The following ASIC2 variants were observed in gnomAD, a reference collection of about 807,000 sequenced individuals.
The protein encoded by ASIC2 is acid-sensing ion channel 2.
In ASIC2, 25 loss-of-function variants were observed where a neutral mutation model predicts 57.3. That is an observed-to-expected ratio of 0.44 (90% CI 0.32 to 0.61). ASIC2 has a LOEUF of 0.61. ASIC2 is among the 20% of genes least tolerant of loss of function. The probability of loss-of-function intolerance (pLI) is 0.06; values close to 1 mark genes in which losing one functional copy is unlikely to be tolerated. For synonymous variants in ASIC2, 319 were observed against 307.5 expected (o/e 1.04, Z -0.39); for missense variants, 641 against 738.1 (o/e 0.87, Z 1.52).
chr17:33,532,430 T>C (rs1362322451), intron 1 of ASIC2, among the ~76,000 whole-genome samples: 6 of 152,220 alleles, frequency 3.9e-5, no homozygotes, highest in Non-Finnish European at 8.8e-5. Context: ...TTCCTTCTAC[T>C]TCCAGGACTG....
intron 1 of ASIC2, among the ~76,000 whole-genome samples, chr17:33,335,376 A>T (rs750578391): frequency 6.6e-6 from 1 of 152,244 alleles, no homozygotes; most frequent in Non-Finnish European, 1.5e-5. Flanking sequence ...ATTCCATTCC[A>T]GCTAATCCTC....
intron 1 of ASIC2, among the ~76,000 whole-genome samples, chr17:33,276,895 T>C (rs1329722021): frequency 1.3e-5 from 2 of 152,180 alleles, no homozygotes; most frequent in South Asian, 2.1e-4. Context: ...AGGGTTGATA[T>C]GCACTCAGGT....
intron 3 of ASIC2, among the ~76,000 whole-genome samples, chr17:33,046,982 C>T (rs1423085711): frequency 2.0e-5 from 3 of 152,272 alleles, no homozygotes; most frequent in Admixed American, 2.0e-4. Flanking sequence ...GGATGAGTTT[C>T]TTCCCTGCAC....
Position 33,279,825 on chromosome 17 carries a change from C to G in ASIC2, c.708+11583G>C, listed in dbSNP as rs145451848. Among the ~76,000 whole-genome samples, 38 of 152,260 alleles carry G rather than the reference C, an allele frequency of 2.5e-4. 1 individual carries two copies. The highest frequency in any genetic ancestry group is 7.9e-4 in the African/African-American group (33 of 41,546). ...CAGATCCTCATCACCACTTTTTCTA[C>G]TAACCTTCTGAGCTTCGGTTTCCTC... is the stretch of plus-strand genomic sequence containing the variant. On this transcript the variant is annotated intron_variant, in intron 1 of 9. Coordinates refer to ENST00000225823, the MANE Select transcript of ASIC2 (RefSeq NM_183377.2).
At chr17:33,344,848 T>C (rs957006624) in intron 1 of ASIC2, among the ~76,000 whole-genome samples, 1 of 152,108 alleles carries the variant, frequency 6.6e-6, no homozygotes, top group Admixed American at 6.5e-5. Context: ...CTGGCCTATA[T>C]AGGGGCCAAC....
At chr17:33,339,076 G>GT (rs994298385) in intron 1 of ASIC2, among the ~76,000 whole-genome samples, 4 of 151,986 alleles carry the variant, frequency 2.6e-5, no homozygotes, top group African/African-American at 9.7e-5. Flanking sequence ...TATGTCTTGT[G>GT]TTTTTTACCA....
At chr17:34,128,141 A>AG (rs1911842984) in intron 1 of ASIC2, among the ~76,000 whole-genome samples, 1 of 152,210 alleles carries the variant, frequency 6.6e-6, no homozygotes, top group African/African-American at 2.4e-5. Flanking sequence ...GATGAGAAAA[A>AG]GGGAATCAAA....
chr17:33,166,125 T>C (rs1905298843), intron 1 of ASIC2, among the ~76,000 whole-genome samples: 1 of 152,178 alleles, frequency 6.6e-6, no homozygotes, highest in Admixed American at 6.5e-5. Flanking sequence ...ATTTATAAAG[T>C]ACTTCTGTCA....
At chr17:33,909,464 C>T (rs773105498) in intron 1 of ASIC2, among the ~76,000 whole-genome samples, 6 of 152,116 alleles carry the variant, frequency 3.9e-5, no homozygotes, top group South Asian at 2.1e-4. Flanking sequence ...AGAGAGAAAG[C>T]GGGAAGAAGA....
chr17:33,810,769 T>C (rs984454003), intron 1 of ASIC2, among the ~76,000 whole-genome samples: 1 of 152,312 alleles, frequency 6.6e-6, no homozygotes, highest in East Asian at 1.9e-4. Context: ...AATGTTTTTA[T>C]GTAAAAAAGA....
chr17:34,102,363 TATAAAG>T (rs1191308972), intron 1 of ASIC2, among the ~76,000 whole-genome samples: 1 of 151,760 alleles, frequency 6.6e-6, no homozygotes, highest in African/African-American at 2.4e-5. Context: ...TAAAATAAAA[TATAAAG>T]ATAAAAATAA....
chr17:33,961,842 G>C (rs1904933759), intron 1 of ASIC2, among the ~76,000 whole-genome samples: 1 of 152,162 alleles, frequency 6.6e-6, no homozygotes, highest in Non-Finnish European at 1.5e-5. Context: ...CTCCACAGTT[G>C]CTTTCCAACC....
chr17:33,082,343 G>T (rs981334032), intron 3 of ASIC2, among the ~76,000 whole-genome samples: 1 of 152,108 alleles, frequency 6.6e-6, no homozygotes, highest in African/African-American at 2.4e-5. Flanking sequence ...TAGAAAACAA[G>T]AATCACCACC....
At chr17:33,721,855 A>G (rs1369249274) in intron 1 of ASIC2, among the ~76,000 whole-genome samples, 1 of 152,216 alleles carries the variant, frequency 6.6e-6, no homozygotes, top group Admixed American at 6.5e-5. Context: ...CATGCTTGGC[A>G]TGTGGCAGGA....
intron 1 of ASIC2, among the ~76,000 whole-genome samples, chr17:33,411,950 A>G (rs1910677067): frequency 6.6e-6 from 1 of 152,186 alleles, no homozygotes; most frequent in Admixed American, 6.5e-5. Context: ...GCCATCCGAA[A>G]ATATTTGGTT....
chr17:33,702,010 G>A (rs1294654108), intron 1 of ASIC2, among the ~76,000 whole-genome samples: 2 of 152,206 alleles, frequency 1.3e-5, no homozygotes, highest in African/African-American at 4.8e-5. Flanking sequence ...CCAGCTGGGT[G>A]GGGAAGGTCT....
In ASIC2 at chr17:33,300,827, C is replaced by T. The variant is rs184633012; in HGVS notation, c.556-188760G>A. Among the ~76,000 whole-genome samples, 12 of 152,154 alleles carry T rather than the reference C, an allele frequency of 7.9e-5. No individual in the cohort carries two copies. The East Asian group carries it at 1.5e-3, about 20-fold the overall frequency. On this transcript the variant is annotated intron_variant, in intron 1 of 9. Coordinates refer to the ASIC2 transcript ENST00000359872. ...GTGTTAGTGCAAAAAGTCATCTTAA[C>T]GAGCATGCAGTTTAACTAAGATAGG...
intron 1 of ASIC2, among the ~76,000 whole-genome samples, chr17:33,841,007 C>T (rs1007220772): frequency 6.6e-6 from 1 of 151,936 alleles, no homozygotes. Flanking sequence ...GTGGAGGATC[C>T]CTTAATTTTC....
intron 1 of ASIC2, among the ~76,000 whole-genome samples, chr17:33,648,215 A>T (rs1012779808): frequency 2.0e-5 from 3 of 152,148 alleles, no homozygotes; most frequent in Non-Finnish European, 4.4e-5. Flanking sequence ...CACACTTAAG[A>T]ACTAAATGCA....
Sources: allele counts gnomAD v4.1 joint callset (sites outside exome capture counted in the v4.1 genomes callset), GRCh38; gene constraint gnomAD v4.1.1; transcripts MANE v1.5; gene names NCBI Gene and HGNC (gene_info 2026-07-23, HGNC 2026-07-21).